NTNG1: variants seen among roughly 807,000 people sequenced by gnomAD.
NTNG1 encodes the protein netrin-G1.
In NTNG1, 16 loss-of-function variants were observed where a neutral mutation model predicts 54.0. The ratio of observed to expected loss-of-function variants is 0.30; its 90% CI spans 0.20 to 0.45. The LOEUF (loss-of-function observed/expected upper bound fraction) is 0.45. Ranked by LOEUF, NTNG1 falls within the 20% of genes least tolerant of loss-of-function variation. NTNG1 has a pLI of 1.00. For synonymous variants in NTNG1, 255 were observed against 263.1 expected (o/e 0.97, Z 0.30); for missense variants, 530 against 678.7 (o/e 0.78, Z 2.43).
intron 7 of NTNG1, among the ~76,000 whole-genome samples, chr1:107,477,301 G>T (rs1165549157): frequency 6.6e-6 from 1 of 152,204 alleles, no homozygotes; most frequent in African/African-American, 2.4e-5. Context: ...TATGAATAAA[G>T]CTCAACACTG....
intron 5 of NTNG1, among the ~76,000 whole-genome samples, chr1:107,427,332 T>C (rs1252060890): frequency 6.6e-6 from 1 of 152,018 alleles, no homozygotes; most frequent in East Asian, 1.9e-4. Context: ...ATGGATACTA[T>C]ATAAGAAGAA....
At chr1:107,257,639 G>C (rs922512851) in intron 2 of NTNG1, among the ~76,000 whole-genome samples, 3 of 152,172 alleles carry the variant, frequency 2.0e-5, no homozygotes, top group African/African-American at 4.8e-5. Context: ...TTTGATCCCT[G>C]CATGTAGATG....
intron 2 of NTNG1, among the ~76,000 whole-genome samples, chr1:107,150,964 T>C (rs1013386244): frequency 6.6e-6 from 1 of 152,208 alleles, no homozygotes; most frequent in Admixed American, 6.5e-5. Flanking sequence ...ACTATGTATG[T>C]TCACATGAAA....
rs1171631963 is a variant in NTNG1, at chr1:107,420,553, A to G, written c.1088-10197A>G. 2.0e-5 allele frequency among the ~76,000 whole-genome samples: 3 copies of G among 152,050 alleles called. 1 individual carries two copies. Among genetic ancestry groups the G allele is most frequent in the Non-Finnish European group, 1.5e-5 (1 of 67,958 alleles). Reference sequence around the variant, plus strand: ...AAAGGTAACAAATGCTGAGAAGGCTACAACTTTTAAAGGTATATGTGTTCA... The same window carrying G: ...AAAGGTAACAAATGCTGAGAAGGCTGCAACTTTTAAAGGTATATGTGTTCA... On this transcript the variant is annotated intron_variant, in intron 5 of 7. Coordinates refer to ENST00000370068, the MANE Select transcript of NTNG1 (RefSeq NM_001113226.3).
In NTNG1 at chr1:107,216,808, G is replaced by A. The variant is rs553708381; in HGVS notation, c.246+67969G>A. ...TTCTCCTGCCTCAGCCTCCCAAGTA[G>A]CTGGGACTACAGGCATGTACCACCA... is the stretch of plus-strand genomic sequence containing the variant. On this transcript the variant is annotated intron_variant, in intron 2 of 7. Coordinates refer to ENST00000370068, the MANE Select transcript of NTNG1 (RefSeq NM_001113226.3). Among the ~76,000 whole-genome samples the A allele has an allele frequency of 1.5e-3, 232 of 151,970 alleles. 1 individual carries two copies. Among genetic ancestry groups the A allele is most frequent in the African/African-American group, 5.5e-3 (226 of 41,444 alleles).
chr1:107,228,014 C>A lies in NTNG1; in HGVS notation c.246+79175C>A, dbSNP rs561611326. On this transcript the variant is annotated intron_variant, in intron 2 of 7. Transcript: ENST00000370068. ...TGTTCAAGAATACCTATTTGTATGACTTCTAGATAATAAATTATCTATTCT... is the reference window on the plus strand; with the variant it reads ...TGTTCAAGAATACCTATTTGTATGAATTCTAGATAATAAATTATCTATTCT... Among the ~76,000 whole-genome samples the A allele has an allele frequency of 4.7e-4, 72 of 152,128 alleles. 1 individual carries two copies. The highest frequency in any genetic ancestry group is 3.5e-4 in the Non-Finnish European group (24 of 68,008).
intron 2 of NTNG1, among the ~76,000 whole-genome samples, chr1:107,262,062 C>T (rs1663387287): frequency 6.6e-6 from 1 of 152,134 alleles, no homozygotes; most frequent in African/African-American, 2.4e-5. Flanking sequence ...AGCTAAGGCC[C>T]TTGGCAGTTA....
chr1:107,428,242 T>G (rs1023740791), intron 5 of NTNG1, among the ~76,000 whole-genome samples: 1 of 152,124 alleles, frequency 6.6e-6, no homozygotes. Flanking sequence ...AAACTCTACC[T>G]GCCCTGAGGA....
chr1:107,389,494 G>C (rs1672232038), intron 3 of NTNG1, among the ~76,000 whole-genome samples: 1 of 152,186 alleles, frequency 6.6e-6, no homozygotes, highest in South Asian at 2.1e-4. Flanking sequence ...ACTAAATGTT[G>C]GAGCATTTTT....
At chr1:107,477,856 G>C (rs533292798) in intron 7 of NTNG1, among the ~76,000 whole-genome samples, 1 of 152,256 alleles carries the variant, frequency 6.6e-6, no homozygotes, top group South Asian at 2.1e-4. Flanking sequence ...GCATACAACA[G>C]ATATTGGTTA....
intron 5 of NTNG1, among the ~76,000 whole-genome samples, chr1:107,418,207 T>A (rs1024713499): frequency 6.6e-6 from 1 of 152,074 alleles, no homozygotes; most frequent in African/African-American, 2.4e-5. Context: ...TTGAGGAGAA[T>A]GGAATCCTCA....
chr1:107,348,264 A>G (rs1669378638), intron 3 of NTNG1, among the ~76,000 whole-genome samples: 1 of 151,942 alleles, frequency 6.6e-6, no homozygotes, highest in African/African-American at 2.4e-5. Flanking sequence ...TAGCTGGGAC[A>G]ACAGGTGTGC....
At chr1:107,246,828 A>T (rs1557841130) in intron 2 of NTNG1, among the ~76,000 whole-genome samples, 1 of 152,350 alleles carries the variant, frequency 6.6e-6, no homozygotes, top group Middle Eastern at 3.4e-3. Flanking sequence ...ATTTATTTAT[A>T]TAGTAAATCT....
chr1:107,227,559 C>T (rs923095156), intron 2 of NTNG1, among the ~76,000 whole-genome samples: 5 of 152,140 alleles, frequency 3.3e-5, no homozygotes, highest in African/African-American at 1.2e-4. Flanking sequence ...GTACTAGGTT[C>T]GCAGGCATCC....
At chr1:107,348,338 A>G (rs915739994) in intron 3 of NTNG1, among the ~76,000 whole-genome samples, 2 of 151,914 alleles carry the variant, frequency 1.3e-5, no homozygotes, top group African/African-American at 4.8e-5. Flanking sequence ...GTTGGCCAGG[A>G]TGGTCTCGAA....
chr1:107,156,468 TATC>T (rs1295633705), intron 2 of NTNG1, among the ~76,000 whole-genome samples: 1 of 152,112 alleles, frequency 6.6e-6, no homozygotes, highest in African/African-American at 2.4e-5. Flanking sequence ...AGAATGAAAA[TATC>T]ATCAAGATAT....
At chr1:107,297,758 A>T (rs899599356) in intron 2 of NTNG1, among the ~76,000 whole-genome samples, 2 of 152,186 alleles carry the variant, frequency 1.3e-5, no homozygotes, top group East Asian at 3.8e-4. Flanking sequence ...CACTAGCAGG[A>T]ATTCTGCCAC....
chr1:107,227,112 C>G (rs1385715865), intron 2 of NTNG1, among the ~76,000 whole-genome samples: 1 of 152,036 alleles, frequency 6.6e-6, no homozygotes, highest in East Asian at 1.9e-4. Context: ...AGTTTCAGCT[C>G]TTCTGTCTGG....
intron 5 of NTNG1, among the ~76,000 whole-genome samples, chr1:107,422,925 A>C (rs1674665127): frequency 6.6e-6 from 1 of 152,086 alleles, no homozygotes; most frequent in African/African-American, 2.4e-5. Context: ...GAGGATGCAA[A>C]GGAGAAATTG....
Sources: gnomAD v4.1 joint callset for allele counts (sites outside exome capture counted in the v4.1 genomes callset) on GRCh38, gnomAD v4.1.1 for gene constraint, MANE v1.5 for transcripts, NCBI Gene and HGNC (gene_info 2026-07-23, HGNC 2026-07-21) for gene names.